CMSS1: variants seen among roughly 807,000 people sequenced by gnomAD.
CMSS1 encodes the protein cms1 ribosomal small subunit homolog, also known as protein CMSS1.
CMSS1 carries 33 observed loss-of-function variants against 43.5 expected under a neutral mutation model. The observed-to-expected ratio is 0.76, with a 90% CI of 0.57 to 1.01. The LOEUF is 1.01. Ranked by LOEUF, CMSS1 falls within the 50% of genes least tolerant of loss-of-function variation. CMSS1 has a pLI of 0.00. For synonymous variants in CMSS1, 115 were observed against 117.2 expected, an observed-to-expected ratio of 0.98 and a Z score of 0.12; for missense variants, 313 against 326.4, an observed-to-expected ratio of 0.96 and a Z score of 0.32.
chr3:100,106,165 A>G (rs749861393), intron 1 of CMSS1, among the ~76,000 whole-genome samples: 1 of 152,178 alleles, frequency 6.6e-6, no homozygotes, highest in Non-Finnish European at 1.5e-5. Flanking sequence ...CACATAGTAA[A>G]TCAGAAGAGG....
At chr3:99,834,217 G>C (rs962239946) in intron 1 of CMSS1, among the ~76,000 whole-genome samples, 1 of 152,082 alleles carries the variant, frequency 6.6e-6, no homozygotes, top group African/African-American at 2.4e-5. Context: ...TACAGGAAAG[G>C]GTCTTTCAAA....
chr3:100,110,044 G>C (rs2066464977), intron 1 of CMSS1: 1 of 151,448 alleles, frequency 6.6e-6, no homozygotes, highest in South Asian at 2.1e-4. Flanking sequence ...AATAGAACCA[G>C]CCCGAAGATA....
intron 1 of CMSS1, among the ~76,000 whole-genome samples, chr3:99,985,779 G>A (rs1709322182): frequency 6.6e-6 from 1 of 152,022 alleles, no homozygotes; most frequent in Non-Finnish European, 1.5e-5. Context: ...ACTAGAGATG[G>A]GGTTTCCCCA....
chr3:100,134,698 T>C (rs566804087), intron 1 of CMSS1, among the ~76,000 whole-genome samples: 18 of 152,328 alleles, frequency 1.2e-4, no homozygotes, highest in Middle Eastern at 3.4e-3. Flanking sequence ...CTGACAGATA[T>C]TTGAACTCAA....
chr3:100,006,744 G>A (rs1398320851), intron 1 of CMSS1, among the ~76,000 whole-genome samples: 1 of 151,888 alleles, frequency 6.6e-6, no homozygotes, highest in African/African-American at 2.4e-5. Flanking sequence ...GAAATTAAAA[G>A]TAAGAGCTTA....
At chr3:99,962,046 G>A (rs1708509344) in intron 1 of CMSS1, among the ~76,000 whole-genome samples, 1 of 152,098 alleles carries the variant, frequency 6.6e-6, no homozygotes, top group African/African-American at 2.4e-5. Context: ...TTTTTCTGCA[G>A]GACACACCAC....
chr3:99,832,704 C>A (rs1466817867), intron 1 of CMSS1, among the ~76,000 whole-genome samples: 2 of 123,498 alleles, frequency 1.6e-5, no homozygotes, highest in Non-Finnish European at 3.3e-5. Context: ...AGCCGGGCGT[C>A]GTGGCGCACT....
intron 1 of CMSS1, among the ~76,000 whole-genome samples, chr3:99,906,116 C>T (rs1313137123): frequency 2.0e-5 from 3 of 152,134 alleles, no homozygotes; most frequent in African/African-American, 4.8e-5. Flanking sequence ...ATCGCTTGAG[C>T]CCAGGAGGCA....
chr3:100,139,630 T>C (rs201550189), intron 1 of CMSS1, among the ~76,000 whole-genome samples: 197 of 145,868 alleles, frequency 1.4e-3, no homozygotes, highest in South Asian at 3.1e-3. Flanking sequence ...TATATATATA[T>C]ACACACACAC....
intron 1 of CMSS1, among the ~76,000 whole-genome samples, chr3:100,132,085 T>C (rs113082368): frequency 1.3e-5 from 2 of 152,188 alleles, no homozygotes; most frequent in Non-Finnish European, 2.9e-5. Flanking sequence ...TCGAAAGTCA[T>C]AAAAATTAAA....
At chr3:100,159,505 T>G (rs752149757) in intron 2 of CMSS1, among the ~76,000 whole-genome samples, 5 of 152,224 alleles carry the variant, frequency 3.3e-5, no homozygotes, top group Non-Finnish European at 7.3e-5. Flanking sequence ...GTTAGTAGCT[T>G]ATCAGTTTAA....
chr3:100,100,298 T>TA (rs1174549886), intron 1 of CMSS1, among the ~76,000 whole-genome samples: 2 of 152,126 alleles, frequency 1.3e-5, no homozygotes, highest in African/African-American at 4.8e-5. Context: ...GTGAAAAGGG[T>TA]AAAATGTAGT....
intron 1 of CMSS1, among the ~76,000 whole-genome samples, chr3:99,842,119 G>T (rs1943159672): frequency 6.6e-6 from 1 of 152,128 alleles, no homozygotes; most frequent in African/African-American, 2.4e-5. Context: ...TAAAGAAAAT[G>T]TGGTATATAT....
chr3:99,911,198 T>A (rs1357280072), intron 1 of CMSS1, among the ~76,000 whole-genome samples: 7 of 152,064 alleles, frequency 4.6e-5, no homozygotes, highest in African/African-American at 1.7e-4. Context: ...TCTTCAATCC[T>A]ATTTGGCTGT....
intron 1 of CMSS1, among the ~76,000 whole-genome samples, chr3:99,916,363 G>GTT (rs1706950222): frequency 6.6e-6 from 1 of 151,742 alleles, no homozygotes; most frequent in Admixed American, 6.6e-5. Flanking sequence ...TGGGTCTCCA[G>GTT]TTTGAAGACA....
intron 1 of CMSS1, among the ~76,000 whole-genome samples, chr3:100,144,159 G>C (rs1214836291): frequency 1.3e-5 from 2 of 151,988 alleles, no homozygotes; most frequent in Non-Finnish European, 2.9e-5. Flanking sequence ...GAGGAGTAGG[G>C]GTTGGTCCCC....
At chr3:99,938,362 G>A (rs1279417822) in intron 1 of CMSS1, among the ~76,000 whole-genome samples, 1 of 152,166 alleles carries the variant, frequency 6.6e-6, no homozygotes, top group Non-Finnish European at 1.5e-5. Flanking sequence ...TTTAAACTTA[G>A]TGTAGTGGGA....
intron 1 of CMSS1, among the ~76,000 whole-genome samples, chr3:99,960,336 A>C (rs187068777): frequency 5.5e-4 from 84 of 152,272 alleles, no homozygotes; most frequent in African/African-American, 2.0e-3. Flanking sequence ...GAGGGCTCCA[A>C]AAAGTTAAGT....
chr3:100,032,757 T>C (rs190602080), intron 1 of CMSS1, among the ~76,000 whole-genome samples: 29 of 152,340 alleles, frequency 1.9e-4, no homozygotes, highest in Non-Finnish European at 3.5e-4. Flanking sequence ...AACTCACTTA[T>C]AACAATTGCA....
Sources: gnomAD v4.1 joint callset for allele counts (sites outside exome capture counted in the v4.1 genomes callset) on GRCh38, gnomAD v4.1.1 for gene constraint, MANE v1.5 for transcripts, NCBI Gene and HGNC (gene_info 2026-07-23, HGNC 2026-07-21) for gene names.